The following MBD5 variants were observed in gnomAD, a reference collection of about 807,000 sequenced individuals.
MBD5 encodes methyl-CpG binding domain protein 5.
In MBD5, 13 loss-of-function variants were observed where a neutral mutation model predicts 117.3. That is an observed-to-expected ratio of 0.11 (90% CI 0.07 to 0.18). The LOEUF (loss-of-function observed/expected upper bound fraction) is 0.18. Ranked by LOEUF, MBD5 falls within the 10% of genes least tolerant of loss-of-function variation. The pLI is 1.00. For missense variants in MBD5, 1,879 were observed against 2,093.8 expected, an observed-to-expected ratio of 0.90 and a Z score of 2.00; for synonymous variants, 727 against 766.4, an observed-to-expected ratio of 0.95 and a Z score of 0.85.
chr2:148,176,554 G>T (rs538342968), intron 1 of MBD5, among the ~76,000 whole-genome samples: 3 of 151,358 alleles, frequency 2.0e-5, no homozygotes, highest in African/African-American at 7.3e-5. Context: ...GATTGTAGGC[G>T]CACACCACCA....
chr2:148,222,642 G>C (rs1699718924), intron 2 of MBD5, among the ~76,000 whole-genome samples: 1 of 151,732 alleles, frequency 6.6e-6, no homozygotes, highest in Non-Finnish European at 1.5e-5. Flanking sequence ...TTATCAGTTT[G>C]AATAGTTGTG....
intron 2 of MBD5, among the ~76,000 whole-genome samples, chr2:148,184,788 C>A (rs947795543): frequency 6.6e-6 from 1 of 152,182 alleles, no homozygotes; most frequent in Non-Finnish European, 1.5e-5. Flanking sequence ...TCCAGTCTGG[C>A]ATTTTCAGTG....
Position 148,205,440 on chromosome 2 carries a change from G to C in MBD5, c.-831+26647G>C, listed in dbSNP as rs1238870262. 2.0e-5 allele frequency among the ~76,000 whole-genome samples: 3 copies of C among 152,118 alleles called. No homozygotes were observed. The South Asian group carries it at 6.2e-4, about 32-fold the overall frequency. On this transcript the variant is annotated intron_variant, in intron 2 of 13. Transcript: ENST00000642680. The stretch of plus-strand genomic sequence containing the variant: ...CAATTAAAGCTGACAAAAAATAAAA[G>C]TATCAGCATAATTTAACAATACAAG...
intron 1 of MBD5, among the ~76,000 whole-genome samples, chr2:148,135,286 A>T (rs1235425205): frequency 1.3e-5 from 2 of 152,240 alleles, no homozygotes; most frequent in Non-Finnish European, 2.9e-5. Flanking sequence ...TCTTCAAACC[A>T]GGGAACTTTA....
intron 2 of MBD5, among the ~76,000 whole-genome samples, chr2:148,201,506 G>A (rs946761731): frequency 2.0e-5 from 3 of 152,204 alleles, no homozygotes; most frequent in Non-Finnish European, 4.4e-5. Context: ...GCTCTAGCCT[G>A]CACCTCCAGG....
At chr2:148,311,654 G>A (rs1574271549) in intron 3 of MBD5, among the ~76,000 whole-genome samples, 2 of 152,234 alleles carry the variant, frequency 1.3e-5, no homozygotes, top group South Asian at 4.2e-4. Flanking sequence ...TTACATTTGA[G>A]GGTAATATTG....
intron 4 of MBD5, among the ~76,000 whole-genome samples, chr2:148,396,842 T>C (rs958304551): frequency 6.6e-6 from 1 of 152,188 alleles, no homozygotes; most frequent in African/African-American, 2.4e-5. Flanking sequence ...GACTTAGATA[T>C]GATAATGGGT....
At chr2:148,282,919 A>C (rs1701285264) in intron 3 of MBD5, among the ~76,000 whole-genome samples, 1 of 128,222 alleles carries the variant, frequency 7.8e-6, no homozygotes. Context: ...ATCAGATGCA[A>C]TTATTAGTTG....
At chr2:148,251,669 A>G (rs1049956538) in intron 3 of MBD5, among the ~76,000 whole-genome samples, 2 of 152,118 alleles carry the variant, frequency 1.3e-5, no homozygotes, top group Non-Finnish European at 2.9e-5. Flanking sequence ...ATTCCTTCAT[A>G]TTTTAAGGTG....
intron 1 of MBD5, among the ~76,000 whole-genome samples, chr2:148,164,262 G>T (rs1186716124): frequency 6.6e-6 from 1 of 152,092 alleles, no homozygotes; most frequent in African/African-American, 2.4e-5. Flanking sequence ...ACAGGGGAGA[G>T]GTTTGATACA....
intron 2 of MBD5, among the ~76,000 whole-genome samples, chr2:148,224,499 C>T (rs996867033): frequency 1.3e-4 from 19 of 146,102 alleles, no homozygotes; most frequent in Non-Finnish European, 4.5e-5. Flanking sequence ...CACGTTGCCA[C>T]GCCTGGCTAA....
Position 148,021,462 on chromosome 2 carries a change from G to C in MBD5, c.-1147G>C, listed in dbSNP as rs1558888959. On this transcript the variant is annotated 5_prime_UTR_variant, in exon 1 of 14. Transcript: ENST00000642680. ...GCAACACAGACCCTTTGCTGCTGCT[G>C]TTGCTGCTGCTGCTGCTGTTGCTGC... 1 of 577,578 alleles carries C rather than the reference G, an allele frequency of 1.7e-6. No individual in the cohort carries two copies. 35.8% of individuals were successfully genotyped at this position (577,578 alleles called of 1,614,324 possible).
chr2:148,096,373 A>G (rs1011997005), intron 1 of MBD5, among the ~76,000 whole-genome samples: 1 of 149,918 alleles, frequency 6.7e-6, no homozygotes, highest in Non-Finnish European at 1.5e-5. Flanking sequence ...TAAACATCTT[A>G]TAGTGCACAG....
intron 4 of MBD5, among the ~76,000 whole-genome samples, chr2:148,352,645 A>G (rs940514930): frequency 5.3e-5 from 8 of 152,028 alleles, no homozygotes; most frequent in Admixed American, 1.3e-4. Flanking sequence ...GGGATTGACT[A>G]TTTTCACTCA....
chr2:148,397,987 C>G (rs1461590576), intron 4 of MBD5, among the ~76,000 whole-genome samples: 1 of 152,156 alleles, frequency 6.6e-6, no homozygotes, highest in Non-Finnish European at 1.5e-5. Flanking sequence ...ATGAACTCAT[C>G]ATTTTTTATG....
chr2:148,405,069 A>G lies in MBD5; in HGVS notation c.-556-53134A>G, dbSNP rs574993837. ...TGACATTTTTGTCACATAGCTTTTC[A>G]TTTCCTCTCCCTTTTCTTTCTACCT... On this transcript the variant is annotated intron_variant, in intron 4 of 13. Coordinates refer to ENST00000642680, the MANE Select transcript of MBD5 (RefSeq NM_001378120.1). Among the ~76,000 whole-genome samples, 11 of 152,178 alleles carry G rather than the reference A, an allele frequency of 7.2e-5. No homozygotes were observed. The South Asian group carries it at 2.3e-3, about 32-fold the overall frequency.
chr2:148,058,251 C>T (rs1451150865), intron 1 of MBD5, among the ~76,000 whole-genome samples: 2 of 151,990 alleles, frequency 1.3e-5, no homozygotes, highest in East Asian at 1.9e-4. Context: ...TTCTTGGATA[C>T]TCACAGAAAC....
In MBD5 at chr2:148,173,238, CTG is replaced by C. The variant is rs1464106611; in HGVS notation, c.-924-5458_-924-5457del. ...GTGCTGTGACACCCTCTTTGTGGCT[CTG>C]TGTATCCTGGCATCTCCAAGCTTCC... is the stretch of plus-strand genomic sequence containing the variant. On this transcript the variant is annotated intron_variant, in intron 1 of 13. Transcript: ENST00000642680. 3.9e-5 allele frequency among the ~76,000 whole-genome samples: 6 copies of C among 152,294 alleles called. No individual in the cohort carries two copies. In the East Asian group the frequency reaches 1.2e-3, roughly 29 times the overall value.
At chr2:148,062,372 T>C (rs1316120463) in intron 1 of MBD5, 2 of 151,854 alleles carry the variant, frequency 1.3e-5, no homozygotes, top group Non-Finnish European at 2.9e-5. Context: ...AATTAATAAA[T>C]GTATAAAGTT....
Sources: allele counts gnomAD v4.1 joint callset (sites outside exome capture counted in the v4.1 genomes callset), GRCh38; gene constraint gnomAD v4.1.1; transcripts MANE v1.5; gene names NCBI Gene and HGNC (gene_info 2026-07-23, HGNC 2026-07-21).